The following LRP1 variants were observed in gnomAD, a reference collection of about 807,000 sequenced individuals.
LRP1 encodes prolow-density lipoprotein receptor-related protein 1.
LRP1 carries 51 observed loss-of-function variants against 541.5 expected under a neutral mutation model. The ratio of observed to expected loss-of-function variants is 0.09; its 90% CI spans 0.08 to 0.12. The LOEUF is 0.12. LRP1 is among the 10% of genes least tolerant of loss of function. The pLI, the probability that LRP1 is intolerant of heterozygous loss-of-function variation, is 1.00. For missense variants in LRP1, 3,878 were observed against 6,376.2 expected, an observed-to-expected ratio of 0.61 and a Z score of 13.34; for synonymous variants, 2,219 against 2,470.8, an observed-to-expected ratio of 0.90 and a Z score of 3.02.
chr12:57,195,267 A>G lies in LRP1; in HGVS notation c.8309-4A>G, dbSNP rs1473708315. 6 of 1,613,284 alleles carry G rather than the reference A, an allele frequency of 3.7e-6. No individual in the cohort carries two copies. Among genetic ancestry groups the G allele is most frequent in the African/African-American group, 2.7e-5 (2 of 74,984 alleles). On this transcript the variant is annotated splice_region_variant and splice_polypyrimidine_tract_variant and intron_variant, in intron 51 of 88. Transcript: ENST00000243077. ...TCTCTCAGTGGCCCTCTCTCCCCCT[A>G]CAGAAGGCAAGACGTGCGGCCCCTC... is the stretch of plus-strand genomic sequence containing the variant.
At position 57,206,655 on chromosome 12, in the gene LRP1, T is replaced by G; in HGVS notation, c.11773T>G (p.Ser3925Ala). 1 of 1,613,946 alleles carries G rather than the reference T, an allele frequency of 6.2e-7. No individual in the cohort carries two copies. The highest frequency in any genetic ancestry group is 1.1e-5 in the South Asian group (1 of 91,088). ...YWTNWHTGTI[S>A]YRSLPPAAPP... is the part of the protein sequence containing the mutation. The stretch of plus-strand genomic sequence containing the variant: ...GACCAACTGGCACACGGGCACCATC[T>G]CCTACCGCAGCCTGCCACCTGCTGC... The change falls in exon 76 of 89, where the codon TCC becomes GCC. Residue 3925 changes from serine (S) to alanine (A), a missense_variant. Ser to Ala is a moderately conservative substitution (Grantham distance 99). Coordinates refer to ENST00000243077, the MANE Select transcript of LRP1 (RefSeq NM_002332.3). This position sits in a 1 kb window ranked among gnomAD's most constrained non-coding sequence, Gnocchi z 4.7.
At chr12:57,203,748 T>C (rs1429963525) in intron 70 of LRP1, 10 of 549,850 alleles carry the variant, frequency 1.8e-5, no homozygotes, top group Non-Finnish European at 2.4e-5. Flanking sequence ...CCCAGCTCAA[T>C]GCCCCCTAGT....
At chr12:57,143,619 G>A in intron 3 of LRP1, 60 bp from the exon 4 acceptor site, 1 of 1,579,524 alleles carries the variant, frequency 6.3e-7, no homozygotes, top group Non-Finnish European at 8.6e-7. Context: ...GAAGGTTGTG[G>A]CCTGCGTGGA....
intron 62 of LRP1, 35 bp downstream of exon 62, chr12:57,200,060 C>T (rs746516133): frequency 1.1e-5 from 17 of 1,547,864 alleles, no homozygotes; most frequent in East Asian, 4.6e-5. Context: ...CACCAGTGCC[C>T]GCTCCCCAAC....
chr12:57,195,835 C>T (rs1394377199), intron 53 of LRP1, 28 bp from the exon 54 acceptor site: 2 of 1,614,016 alleles, frequency 1.2e-6, no homozygotes, highest in South Asian at 2.2e-5. Flanking sequence ...GCCAGGGCAT[C>T]AGCCTCACAG....
At position 57,154,642 on chromosome 12, in the gene LRP1, T is replaced by C. The variant is rs1438594059; in HGVS notation, c.1168T>C (p.Tyr390His). 1 of 1,595,822 alleles carries C rather than the reference T, an allele frequency of 6.3e-7. No homozygotes were observed. The highest frequency in any genetic ancestry group is 8.5e-7 in the Non-Finnish European group (1 of 1,170,812). ...LVYWADAYLD[Y>H]IEVVDYEGKG... ...CTACTGGGCAGATGCCTATCTGGAC[T>C]ATATTGAAGTGGTGGACTATGAGGG... is the stretch of plus-strand genomic sequence containing the variant. Residue 390 changes from tyrosine to histidine, a missense_variant, in exon 8 of 89, where the codon TAT (tyrosine) becomes CAT (histidine). Physicochemically the swap from Tyr to His is moderately conservative, Grantham distance 83 (BLOSUM62 2). Coordinates refer to ENST00000243077, the MANE Select transcript of LRP1 (RefSeq NM_002332.3). This position sits in a 1 kb window ranked among gnomAD's most constrained non-coding sequence, Gnocchi z 4.6.
chr12:57,211,158 C>T lies in LRP1; in HGVS notation c.12917-18C>T. The T allele has an allele frequency of 6.2e-7, 1 of 1,612,092 alleles. No homozygotes were observed. The highest frequency in any genetic ancestry group is 1.1e-5 in the South Asian group (1 of 91,000). On this transcript the variant is annotated intron_variant, in intron 83 of 88. Coordinates refer to ENST00000243077, the MANE Select transcript of LRP1 (RefSeq NM_002332.3). The surrounding 1 kb of genome is among the most constrained non-coding windows in gnomAD (Gnocchi z 4.3). ...TGAGGGTGGGGCTTGAGGCACTTCT[C>T]TCCCTCCCCAACCACAGGGCAGTGC... is the stretch of plus-strand genomic sequence containing the variant.
In LRP1 at chr12:57,172,775, G is replaced by T. The variant is rs185940979; in HGVS notation, c.3164-393G>T. 3.0e-4 allele frequency among the ~76,000 whole-genome samples: 45 copies of T among 152,336 alleles called. 1 individual carries two copies. Among genetic ancestry groups the T allele is most frequent in the Admixed American group, 2.5e-3 (39 of 15,310 alleles). ...CCATTAGAACCTAAGCTCCATGAGG[G>T]TAGGGACTTTGTCTGGTTCAGTGCT... On this transcript the variant is annotated intron_variant, in intron 20 of 88. Transcript: ENST00000243077.
At chr12:57,195,211 C>T in intron 51 of LRP1, 60 bp from the exon 52 acceptor site, 2 of 1,598,738 alleles carry the variant, frequency 1.3e-6, no homozygotes, top group Non-Finnish European at 8.6e-7. Flanking sequence ...CCATCACCTC[C>T]ACTGCTAGAC....
In LRP1 at chr12:57,195,007, G is replaced by T; in HGVS notation, c.8214G>T (p.Gln2738His). Residue 2738 changes from glutamine to histidine, a missense_variant, in exon 51 of 89, where the codon CAG (glutamine) becomes CAT (histidine). Physicochemically the swap from Gln to His is conservative, Grantham distance 24. Around this residue, in one of 13 missense-constraint regions of LRP1, gnomAD observed 1,100 missense variants for 1,827.4 expected, o/e 0.60. Coordinates refer to ENST00000243077, the MANE Select transcript of LRP1 (RefSeq NM_002332.3). ...THCNKFCSEA[Q>H]FECQNHRCIS... is the part of the protein sequence containing the mutation. Reference sequence around the variant, plus strand: ...CAGACAAGTTCTGCTCAGAGGCCCAGTTTGAGTGCCAGAACCATCGCTGCA... The same window carrying T: ...CAGACAAGTTCTGCTCAGAGGCCCATTTTGAGTGCCAGAACCATCGCTGCA... 6.2e-7 allele frequency: 1 copy of T among 1,614,084 alleles called. No individual in the cohort carries two copies. Among genetic ancestry groups the T allele is most frequent in the South Asian group, 1.1e-5 (1 of 91,080 alleles).
intron 3 of LRP1, among the ~76,000 whole-genome samples, chr12:57,142,755 G>A (rs1191052769): frequency 1.3e-5 from 2 of 152,136 alleles, no homozygotes; most frequent in Non-Finnish European, 2.9e-5. Flanking sequence ...CAGAGCAAAT[G>A]ATATTTTCCC....
rs1355889771 is a variant in LRP1 at position 57,201,673 on chromosome 12, C to T, written c.10468+54C>T. ...CCCTCCCCAGTGTCTGCTGCTCACA[C>T]CACCCCGACGTGTGACCCCCTCAGT... is the stretch of plus-strand genomic sequence containing the variant. On this transcript the variant is annotated intron_variant, in intron 66 of 88. Transcript: ENST00000243077. The surrounding 1 kb of genome is among the most constrained non-coding windows in gnomAD (Gnocchi z 6.4). The T allele has an allele frequency of 1.9e-6, 3 of 1,598,174 alleles. No homozygotes were observed. The highest frequency in any genetic ancestry group is 2.2e-5 in the East Asian group (1 of 44,612).
In LRP1 at chr12:57,201,077, C is replaced by T; in HGVS notation, c.10269C>T (p.Thr3423=). Reference sequence around the variant, plus strand: ...CCAGTCAGTTCAAATGCACCAACACCAACCGCTGTATTCCCGGCATCTTCC... The same window carrying T: ...CCAGTCAGTTCAAATGCACCAACACTAACCGCTGTATTCCCGGCATCTTCC... The part of the protein sequence containing the change: ...CLPSQFKCTN[T]NRCIPGIFRC... The change falls in exon 65 of 89, where the codon ACC becomes ACT. Residue 3423 remains threonine, a synonymous_variant. Transcript: ENST00000243077. This position sits in a 1 kb window ranked among gnomAD's most constrained non-coding sequence, Gnocchi z 6.4. The T allele has an allele frequency of 1.2e-6, 2 of 1,614,072 alleles. No individual in the cohort carries two copies. The highest frequency in any genetic ancestry group is 1.7e-5 in the Admixed American group (1 of 60,014).
At position 57,177,076 on chromosome 12, in the gene LRP1, C is replaced by T. The variant is rs1281011359; in HGVS notation, c.4027C>T (p.Leu1343=). 1 of 1,614,076 alleles carries T rather than the reference C, an allele frequency of 6.2e-7. No homozygotes were observed. Among genetic ancestry groups the T allele is most frequent in the African/African-American group, 1.3e-5 (1 of 74,940 alleles). Residue 1343 remains leucine (L), a synonymous_variant, in exon 25 of 89, where the codon CTG becomes TTG. Coordinates refer to ENST00000243077, the MANE Select transcript of LRP1 (RefSeq NM_002332.3). This position sits in a 1 kb window ranked among gnomAD's most constrained non-coding sequence, Gnocchi z 6.8. ...TSFEVVIQYG[L]ATPEGLAVDW... is the part of the protein sequence containing the mutation. ...TTTCGAGGTGGTGATTCAGTATGGCCTGGCCACACCCGAGGGCCTGGCTGT... is the reference window on the plus strand; with the variant it reads ...TTTCGAGGTGGTGATTCAGTATGGCTTGGCCACACCCGAGGGCCTGGCTGT...
rs376879749 is a variant in LRP1 at position 57,185,211 on chromosome 12, G to A, written c.6463+6G>A. 30 of 1,613,978 alleles carry A rather than the reference G, an allele frequency of 1.9e-5. No individual in the cohort carries two copies. The highest frequency in any genetic ancestry group is 5.9e-6 in the Non-Finnish European group (7 of 1,179,992). ...CAACCGGGACCGGCAGAAAGGTGAG[G>A]CTGGGGCTCTGGGCTGGGGTGGAGA... On this transcript the variant is annotated splice_donor_region_variant and intron_variant, in intron 40 of 88. Coordinates refer to ENST00000243077, the MANE Select transcript of LRP1 (RefSeq NM_002332.3). The surrounding 1 kb of genome is among the most constrained non-coding windows in gnomAD (Gnocchi z 4.9).
At chr12:57,144,572 A>AT (rs2035360571) in intron 4 of LRP1, 1 of 184,490 alleles carries the variant, frequency 5.4e-6, no homozygotes, top group Non-Finnish European at 1.2e-5. Context: ...TTCTCTTTTC[A>AT]TTGCACTAGC....
chr12:57,180,883 C>A, intron 33 of LRP1, 76 bp downstream of exon 33: 1 of 1,583,592 alleles, frequency 6.3e-7, no homozygotes, highest in Non-Finnish European at 8.6e-7. Context: ...GCTGCAGGGC[C>A]ATGGGGCAAG....
At position 57,183,337 on chromosome 12, in the gene LRP1, A is replaced by C; in HGVS notation, c.5663-42A>C. ...GGGTGACAGGAACCAAGTTTAAGGG[A>C]GTGTTGGCGATACCCATGCCTTAAG... On this transcript the variant is annotated intron_variant, in intron 34 of 88. Coordinates refer to ENST00000243077, the MANE Select transcript of LRP1 (RefSeq NM_002332.3). The surrounding 1 kb of genome is among the most constrained non-coding windows in gnomAD (Gnocchi z 6.1). 1.3e-6 allele frequency: 2 copies of C among 1,578,406 alleles called. No individual in the cohort carries two copies. Among genetic ancestry groups the C allele is most frequent in the Non-Finnish European group, 1.7e-6 (2 of 1,155,508 alleles).
In LRP1 at chr12:57,162,606, C is replaced by A; in HGVS notation, c.2404+88C>A. The A allele has an allele frequency of 6.9e-7, 1 of 1,444,978 alleles. No homozygotes were observed. The highest frequency in any genetic ancestry group is 9.6e-7 in the Non-Finnish European group (1 of 1,044,610). The allele number at this position is 1,444,978 out of a possible 1,614,324, so 89.5% of individuals were successfully genotyped here. A position where few individuals can be genotyped will look rare whatever the true frequency, so the allele number is the denominator to read the frequency against. On this transcript the variant is annotated intron_variant, in intron 14 of 88. Coordinates refer to ENST00000243077, the MANE Select transcript of LRP1 (RefSeq NM_002332.3). The surrounding 1 kb of genome is among the most constrained non-coding windows in gnomAD (Gnocchi z 5.2). ...TTTGAGACTTCCCTGGGAGTGAAGG[C>A]ACTTCCCAGGGATCCTAGGCTCTGA...
Sources: allele counts gnomAD v4.1 joint callset (sites outside exome capture counted in the v4.1 genomes callset), GRCh38; gene constraint gnomAD v4.1.1; regional missense constraint gnomAD v4.1.1; non-coding constraint Gnocchi (gnomAD v3.1); transcripts MANE v1.5; gene names NCBI Gene and HGNC (gene_info 2026-07-23, HGNC 2026-07-21).